The following GPHN variants were observed in gnomAD, a reference collection of about 807,000 sequenced individuals.
GPHN encodes the protein gephyrin.
GPHN carries 17 observed loss-of-function variants against 95.5 expected under a neutral mutation model. That is an observed-to-expected ratio of 0.18 (90% CI 0.12 to 0.27). GPHN has a LOEUF of 0.27. Ranked by LOEUF, GPHN falls within the 10% of genes least tolerant of loss-of-function variation. GPHN has a pLI of 1.00. For missense variants in GPHN, 660 were observed against 978.1 expected (o/e 0.67, Z 4.34); for synonymous variants, 320 against 322.5 (o/e 0.99, Z 0.08).
intron 1 of GPHN, among the ~76,000 whole-genome samples, chr14:66,609,331 T>G (rs2062683623): frequency 6.6e-6 from 1 of 152,160 alleles, no homozygotes. Flanking sequence ...TGATGGGGTT[T>G]CCTTTATAAG....
At chr14:67,021,821 A>G (rs572423687) in intron 9 of GPHN, among the ~76,000 whole-genome samples, 1 of 152,206 alleles carries the variant, frequency 6.6e-6, no homozygotes, top group South Asian at 2.1e-4. Context: ...AAGAGTAACT[A>G]TTACTGATCA....
intron 16 of GPHN, among the ~76,000 whole-genome samples, chr14:67,121,588 C>T (rs906960763): frequency 6.6e-6 from 1 of 152,160 alleles, no homozygotes; most frequent in African/African-American, 2.4e-5. Context: ...AATCTGACTA[C>T]CTCATTGGAA....
At chr14:66,830,789 G>A (rs770485246) in intron 4 of GPHN, among the ~76,000 whole-genome samples, 1 of 151,954 alleles carries the variant, frequency 6.6e-6, no homozygotes, top group Non-Finnish European at 1.5e-5. Context: ...CTTTGGGGCA[G>A]ATTAATATCT....
At chr14:67,570,881 G>A in the GPHN span, 2 of 152,108 alleles carry the variant, frequency 1.3e-5, no homozygotes, top group Non-Finnish European at 1.5e-5. Flanking sequence ...GCACCACCAT[G>A]CCCAGCTAAT....
the GPHN span, among the ~76,000 whole-genome samples, chr14:67,595,144 TAAAAATAAA>T: frequency 1.4e-5 from 2 of 142,276 alleles, no homozygotes; most frequent in East Asian, 4.0e-4. Flanking sequence ...CTAAAAAAAA[TAAAAATAAA>T]AAAAATAAAA....
the GPHN span, among the ~76,000 whole-genome samples, chr14:67,379,794 A>T: frequency 1.3e-5 from 2 of 148,504 alleles, no homozygotes; most frequent in Non-Finnish European, 3.0e-5. Flanking sequence ...AGCTGGGACT[A>T]CAGGCGCCCG....
rs7157255 is a variant in GPHN at position 66,810,329 on chromosome 14, T to C, written c.202-14145T>C. On this transcript the variant is annotated intron_variant, in intron 3 of 22. Transcript: ENST00000478722. ...TCTGTATTCTCCATAGGGCTAAATA[T>C]TAGTAAACTAAATAATAAAACTGTT... 3.9e-3 allele frequency among the ~76,000 whole-genome samples: 591 copies of C among 150,784 alleles called. 5 individuals carry two copies. Among genetic ancestry groups the C allele is most frequent in the African/African-American group, 0.014 (569 of 40,734 alleles).
chr14:67,169,846 G>A (rs2082495998), intron 21 of GPHN, among the ~76,000 whole-genome samples: 2 of 152,226 alleles, frequency 1.3e-5, no homozygotes, highest in African/African-American at 4.8e-5. Flanking sequence ...GGAGGCCGAG[G>A]CAGGTGGATC....
the GPHN span, chr14:67,395,372 G>A: frequency 6.2e-7 from 1 of 1,603,240 alleles, no homozygotes; most frequent in Non-Finnish European, 8.5e-7. Context: ...AGGAGAGGCT[G>A]CCACAGAGCC....
At chr14:67,275,795 C>T in the GPHN span, among the ~76,000 whole-genome samples, 1 of 152,060 alleles carries the variant, frequency 6.6e-6, no homozygotes, top group Non-Finnish European at 1.5e-5. Context: ...GCCTCAATTT[C>T]AGAGCTATTA....
the GPHN span, among the ~76,000 whole-genome samples, chr14:67,455,869 GTA>G: frequency 6.6e-6 from 1 of 152,104 alleles, no homozygotes; most frequent in Non-Finnish European, 1.5e-5. Context: ...TTACATTTGG[GTA>G]GAGAAGACAG....
At chr14:67,267,668 A>G in the GPHN span, among the ~76,000 whole-genome samples, 1 of 152,236 alleles carries the variant, frequency 6.6e-6, no homozygotes, top group Non-Finnish European at 1.5e-5. Flanking sequence ...TAGTAAATTT[A>G]TATAGTCATG....
the GPHN span, among the ~76,000 whole-genome samples, chr14:67,284,445 C>CAAA: frequency 2.4e-5 from 2 of 84,796 alleles, no homozygotes; most frequent in Admixed American, 1.4e-4. Context: ...AAAAAAAAAA[C>CAAA]AGCTGGGCAT....
intron 13 of GPHN, among the ~76,000 whole-genome samples, chr14:67,104,663 C>G (rs1231845371): frequency 6.6e-6 from 1 of 152,126 alleles, no homozygotes; most frequent in African/African-American, 2.4e-5. Flanking sequence ...ATAGTAGTCT[C>G]TAATGACCCT....
intron 1 of GPHN, among the ~76,000 whole-genome samples, chr14:66,579,227 A>G (rs1202410289): frequency 6.6e-6 from 1 of 151,858 alleles, no homozygotes; most frequent in Non-Finnish European, 1.5e-5. Context: ...GTAAGAAATC[A>G]AAGCATACCA....
rs2062062838 is a variant in GPHN, at chr14:66,598,131, G to A, written c.65-82976G>A. Among the ~76,000 whole-genome samples, 2 of 152,116 alleles carry A rather than the reference G, an allele frequency of 1.3e-5. 1 individual carries two copies. The highest frequency in any genetic ancestry group is 4.2e-4 in the South Asian group (2 of 4,816). On this transcript the variant is annotated intron_variant, in intron 1 of 22. Coordinates refer to ENST00000478722, the MANE Select transcript of GPHN (RefSeq NM_020806.5). Reference sequence around the variant, plus strand: ...TTGATTATCAGAGGCTAGGGTGTGGGAGGAATTAGGGAGATGTTGGTTAAA... The same window carrying A: ...TTGATTATCAGAGGCTAGGGTGTGGAAGGAATTAGGGAGATGTTGGTTAAA...
the GPHN span, among the ~76,000 whole-genome samples, chr14:67,674,159 G>A: frequency 6.6e-6 from 1 of 152,234 alleles, no homozygotes; most frequent in East Asian, 1.9e-4. Context: ...AAATGTGGAA[G>A]GCCATAGAAG....
chr14:67,716,415 G>T, the GPHN span, among the ~76,000 whole-genome samples: 3 of 152,058 alleles, frequency 2.0e-5, no homozygotes, highest in African/African-American at 7.2e-5. Flanking sequence ...ATTTATGTTA[G>T]AAAGTTTTTA....
intron 4 of GPHN, among the ~76,000 whole-genome samples, chr14:66,850,173 C>T (rs1390573712): frequency 6.6e-6 from 1 of 151,934 alleles, no homozygotes; most frequent in East Asian, 1.9e-4. Context: ...TAGATATAAG[C>T]CCTGGAAAAT....
Sources: allele counts gnomAD v4.1 joint callset (sites outside exome capture counted in the v4.1 genomes callset), GRCh38; gene constraint gnomAD v4.1.1; transcripts MANE v1.5; gene names NCBI Gene and HGNC (gene_info 2026-07-23, HGNC 2026-07-21).